Variants in CDIN1 observed in about 807,000 individuals in gnomAD.
CDIN1 encodes the protein CDAN1 interacting nuclease 1.
A neutral mutation model predicts 45.3 loss-of-function variants in CDIN1; 33 were observed. The ratio of observed to expected loss-of-function variants is 0.73; its 90% confidence interval spans 0.55 to 0.97. The LOEUF is 0.97. CDIN1 is among the 50% of genes least tolerant of loss of function. CDIN1 has a pLI of 0.00. For synonymous variants in CDIN1, 118 were observed against 124.4 expected (o/e 0.95, Z 0.34); for missense variants, 303 against 339.4 (o/e 0.89, Z 0.84).
At chr15:36,786,733 A>G (rs1433620270) in intron 10 of CDIN1, among the ~76,000 whole-genome samples, 1 of 152,100 alleles carries the variant, frequency 6.6e-6, no homozygotes, top group Non-Finnish European at 1.5e-5. Flanking sequence ...CAGGGTCCCT[A>G]CTTCCTCATG....
At chr15:36,670,948 A>T (rs1204097648) in intron 5 of CDIN1, among the ~76,000 whole-genome samples, 1 of 152,138 alleles carries the variant, frequency 6.6e-6, no homozygotes, top group Non-Finnish European at 1.5e-5. Flanking sequence ...TATTGTGTTT[A>T]ATAATCTGCC....
chr15:36,741,445 A>G (rs1042210918), intron 10 of CDIN1, among the ~76,000 whole-genome samples: 2 of 151,614 alleles, frequency 1.3e-5, no homozygotes, highest in Non-Finnish European at 2.9e-5. Context: ...ATGACAATTT[A>G]ATATTTGAAA....
intron 5 of CDIN1, among the ~76,000 whole-genome samples, chr15:36,666,579 C>T (rs1460446903): frequency 3.3e-5 from 5 of 152,142 alleles, no homozygotes; most frequent in African/African-American, 1.2e-4. Context: ...GATTTTCATC[C>T]TTAGATACCA....
intron 10 of CDIN1, among the ~76,000 whole-genome samples, chr15:36,766,077 C>G (rs918440809): frequency 6.6e-6 from 1 of 152,178 alleles, no homozygotes; most frequent in African/African-American, 2.4e-5. Flanking sequence ...GCCTCTTCCT[C>G]CCGGTCCCTG....
intron 1 of CDIN1, among the ~76,000 whole-genome samples, chr15:36,582,597 C>G (rs1979205): frequency 1.3e-5 from 2 of 152,148 alleles, no homozygotes; most frequent in South Asian, 4.1e-4. Context: ...AAGGAAAATA[C>G]TATCTTGCTA....
At chr15:36,638,909 G>C (rs1236604834) in intron 1 of CDIN1, among the ~76,000 whole-genome samples, 4 of 152,190 alleles carry the variant, frequency 2.6e-5, no homozygotes, top group African/African-American at 4.8e-5. Context: ...CTGTTAAGAA[G>C]GCAGATTAGC....
At chr15:36,642,154 G>A (rs1278783394) in intron 1 of CDIN1, among the ~76,000 whole-genome samples, 3 of 152,114 alleles carry the variant, frequency 2.0e-5, no homozygotes, top group Non-Finnish European at 2.9e-5. Flanking sequence ...GCATTAACAC[G>A]TTGGAAGAAA....
At chr15:36,756,713 A>G (rs1595561792) in intron 10 of CDIN1, among the ~76,000 whole-genome samples, 1 of 152,342 alleles carries the variant, frequency 6.6e-6, no homozygotes, top group Non-Finnish European at 1.5e-5. Flanking sequence ...CGAATTGTTT[A>G]TGACAAGACT....
At chr15:36,709,168 C>A (rs916708168) in intron 8 of CDIN1, 55 bp from the exon 9 acceptor site, 2 of 1,418,874 alleles carry the variant, frequency 1.4e-6, no homozygotes, top group South Asian at 2.7e-5. Flanking sequence ...CAAATATATT[C>A]CTATCTTGTT....
At chr15:36,746,653 A>ATATGCATATCATG (rs754647006) in intron 10 of CDIN1, among the ~76,000 whole-genome samples, 93 of 120,204 alleles carry the variant, frequency 7.7e-4, no homozygotes, top group Admixed American at 1.8e-3. Context: ...TGCATATCAT[A>ATATGCATATCATG]TATAAATATA....
At chr15:36,589,817 T>G (rs2037490387) in intron 1 of CDIN1, among the ~76,000 whole-genome samples, 2 of 152,182 alleles carry the variant, frequency 1.3e-5, no homozygotes, top group South Asian at 4.1e-4. Context: ...AGTTCTCCAT[T>G]TCTTAGGGGA....
chr15:36,667,311 A>G lies in CDIN1; in HGVS notation c.346+9406A>G, dbSNP rs75076076. Among the ~76,000 whole-genome samples, 13 of 152,308 alleles carry G rather than the reference A, an allele frequency of 8.5e-5. No individual in the cohort carries two copies. In the East Asian group the frequency reaches 2.5e-3, roughly 29 times the overall value. On this transcript the variant is annotated intron_variant, in intron 5 of 10. Coordinates refer to ENST00000566621, the MANE Select transcript of CDIN1 (RefSeq NM_001321759.2). Reference sequence around the variant, plus strand: ...AATTCATTTACTTATGTCACATAGCACTATATGTCTTTGTAAAAAGGAGCC... The same window carrying G: ...AATTCATTTACTTATGTCACATAGCGCTATATGTCTTTGTAAAAAGGAGCC...
At chr15:36,676,799 A>G (rs541336150) in intron 5 of CDIN1, among the ~76,000 whole-genome samples, 1 of 152,264 alleles carries the variant, frequency 6.6e-6, no homozygotes, top group East Asian at 1.9e-4. Context: ...TTTGCTCTGC[A>G]TGGAGCACTA....
chr15:36,657,018 T>G (rs1192901882), intron 4 of CDIN1, among the ~76,000 whole-genome samples: 2 of 152,164 alleles, frequency 1.3e-5, no homozygotes, highest in East Asian at 3.8e-4. Context: ...TGAAATTAAG[T>G]AAATGGTTAA....
chr15:36,733,873 TTTGTAGGGCC>T (rs2043920616), intron 10 of CDIN1, among the ~76,000 whole-genome samples: 1 of 152,168 alleles, frequency 6.6e-6, no homozygotes, highest in South Asian at 2.1e-4. Flanking sequence ...TGCAAGGTAC[TTTGTAGGGCC>T]TTCAAGACCT....
intron 10 of CDIN1, among the ~76,000 whole-genome samples, chr15:36,796,850 C>T (rs1452869593): frequency 1.3e-5 from 2 of 152,216 alleles, no homozygotes; most frequent in African/African-American, 4.8e-5. Context: ...TCTTTACAGA[C>T]TTAAAATTTC....
intron 1 of CDIN1, among the ~76,000 whole-genome samples, chr15:36,621,535 A>G (rs1361015479): frequency 1.3e-5 from 2 of 152,196 alleles, no homozygotes; most frequent in Non-Finnish European, 2.9e-5. Context: ...GAAACATACA[A>G]TGAAACTACC....
chr15:36,604,886 G>C (rs947775431), intron 1 of CDIN1, among the ~76,000 whole-genome samples: 1 of 152,098 alleles, frequency 6.6e-6, no homozygotes, highest in African/African-American at 2.4e-5. Context: ...TATATCAGCT[G>C]CCAAAGAATT....
At chr15:36,651,503 ATAAT>A (rs377074023) in intron 3 of CDIN1, among the ~76,000 whole-genome samples, 68 of 152,288 alleles carry the variant, frequency 4.5e-4, no homozygotes, top group African/African-American at 1.6e-3. Flanking sequence ...GATGTGGGGG[ATAAT>A]TAAAGTTTCC....
Sources: gnomAD v4.1 joint callset for allele counts (sites outside exome capture counted in the v4.1 genomes callset) on GRCh38, gnomAD v4.1.1 for gene constraint, MANE v1.5 for transcripts, NCBI Gene and HGNC (gene_info 2026-07-23, HGNC 2026-07-21) for gene names.